CCSER1: variants seen among roughly 807,000 people sequenced by gnomAD.
CCSER1 encodes coiled-coil serine rich protein 1.
In CCSER1, 41 loss-of-function variants were observed where a neutral mutation model predicts 82.0. That is an observed-to-expected ratio of 0.50 (90% confidence interval 0.39 to 0.65). The LOEUF (loss-of-function observed/expected upper bound fraction) is 0.65. Among genes scored for constraint, CCSER1 ranks in the 30% least tolerant of loss-of-function variants. CCSER1 has a pLI of 0.00. For synonymous variants in CCSER1, 414 were observed against 383.9 expected, an observed-to-expected ratio of 1.08 and a Z score of -0.92; for missense variants, 1,119 against 1,064.2, an observed-to-expected ratio of 1.05 and a Z score of -0.72.
chr4:90,772,914 A>G (rs559006401), intron 7 of CCSER1, among the ~76,000 whole-genome samples: 2 of 152,206 alleles, frequency 1.3e-5, no homozygotes, highest in African/African-American at 2.4e-5. Context: ...GAAATGAAAT[A>G]TATTCCAAAA....
intron 1 of CCSER1, among the ~76,000 whole-genome samples, chr4:90,128,300 G>GGGGGCGGGGAGCCA (rs1722175124): frequency 6.6e-6 from 1 of 152,114 alleles, no homozygotes; most frequent in African/African-American, 2.4e-5. Flanking sequence ...AAGGGGAGGA[G>GGGGGCGGGGAGCCA]GGGGCGGGGA....
chr4:91,220,161 CAGAT>C (rs1448005141), intron 10 of CCSER1, among the ~76,000 whole-genome samples: 1 of 152,162 alleles, frequency 6.6e-6, no homozygotes, highest in Non-Finnish European at 1.5e-5. Flanking sequence ...TAGCAAGTGA[CAGAT>C]AGATTATTAT....
intron 10 of CCSER1, among the ~76,000 whole-genome samples, chr4:91,425,355 T>C (rs1753908788): frequency 6.6e-6 from 1 of 152,168 alleles, no homozygotes; most frequent in African/African-American, 2.4e-5. Flanking sequence ...GAATGTCATA[T>C]AAATTACACA....
intron 4 of CCSER1, among the ~76,000 whole-genome samples, chr4:90,459,346 A>G (rs1313904878): frequency 6.6e-6 from 1 of 152,232 alleles, no homozygotes; most frequent in African/African-American, 2.4e-5. Flanking sequence ...AGTTTGGAGT[A>G]GAACTCTGAG....
intron 1 of CCSER1, among the ~76,000 whole-genome samples, chr4:90,170,546 G>A (rs960846273): frequency 6.6e-5 from 10 of 151,260 alleles, no homozygotes; most frequent in Non-Finnish European, 1.3e-4. Flanking sequence ...CCAGTCTCTG[G>A]TAACCATTCT....
At chr4:90,444,560 A>C (rs2153574717) in intron 4 of CCSER1, among the ~76,000 whole-genome samples, 1 of 152,146 alleles carries the variant, frequency 6.6e-6, no homozygotes, top group Admixed American at 6.6e-5. Flanking sequence ...TCTGTTTGTT[A>C]ATATTTACAC....
At chr4:91,171,210 A>G (rs1458837467) in intron 10 of CCSER1, among the ~76,000 whole-genome samples, 2 of 152,214 alleles carry the variant, frequency 1.3e-5, no homozygotes, top group Non-Finnish European at 2.9e-5. Context: ...ATATTTTTTC[A>G]TCCCTAAGTA....
At chr4:90,640,646 C>A (rs1726328750) in intron 6 of CCSER1, among the ~76,000 whole-genome samples, 1 of 152,030 alleles carries the variant, frequency 6.6e-6, no homozygotes, top group African/African-American at 2.4e-5. Flanking sequence ...AGGGAGAGAC[C>A]ATGTGGAGGT....
intron 10 of CCSER1, among the ~76,000 whole-genome samples, chr4:91,486,672 T>C (rs1281215007): frequency 6.6e-6 from 1 of 152,072 alleles, no homozygotes; most frequent in Non-Finnish European, 1.5e-5. Context: ...GCATTTACAT[T>C]GTATTATAAA....
chr4:91,536,209 A>G (rs1761285937), intron 10 of CCSER1, among the ~76,000 whole-genome samples: 1 of 152,158 alleles, frequency 6.6e-6, no homozygotes, highest in East Asian at 1.9e-4. Context: ...ACTCATGCAT[A>G]ACACAAAACT....
At chr4:91,483,136 A>C (rs1316574561) in intron 10 of CCSER1, among the ~76,000 whole-genome samples, 1 of 152,134 alleles carries the variant, frequency 6.6e-6, no homozygotes, top group Non-Finnish European at 1.5e-5. Context: ...ATGACTTCCC[A>C]GAAAAAAAAA....
At chr4:91,067,308 A>T (rs890201708) in intron 9 of CCSER1, among the ~76,000 whole-genome samples, 1 of 151,672 alleles carries the variant, frequency 6.6e-6, no homozygotes, top group Non-Finnish European at 1.5e-5. Flanking sequence ...TGACACATAC[A>T]CTGGTACAAT....
chr4:90,202,748 A>G (rs1020201249), intron 1 of CCSER1, among the ~76,000 whole-genome samples: 1 of 152,216 alleles, frequency 6.6e-6, no homozygotes, highest in Non-Finnish European at 1.5e-5. Flanking sequence ...ATTACATGGC[A>G]AGTCCGTCAC....
rs11097294 is a variant in CCSER1, at chr4:91,046,464, T to G, written c.2173-39486T>G. ...GTTTTAATCATTCAAATTGAACTAC[T>G]TTCTGTTTTGGAGTTTCTTGAAACA... On this transcript the variant is annotated intron_variant, in intron 9 of 10. Coordinates refer to ENST00000509176, the MANE Select transcript of CCSER1 (RefSeq NM_001145065.2). 4.7e-3 allele frequency among the ~76,000 whole-genome samples: 711 copies of G among 152,244 alleles called. 20 individuals carry two copies. The highest frequency in any genetic ancestry group is 0.018 in the East Asian group (94 of 5,176).
At chr4:90,331,344 T>C (rs1204869731) in intron 3 of CCSER1, among the ~76,000 whole-genome samples, 2 of 152,120 alleles carry the variant, frequency 1.3e-5, no homozygotes, top group Non-Finnish European at 2.9e-5. Flanking sequence ...ATAAAGTAAA[T>C]TCTGTTTGAC....
chr4:90,614,335 C>A (rs750409817), intron 5 of CCSER1, among the ~76,000 whole-genome samples: 21 of 152,186 alleles, frequency 1.4e-4, no homozygotes, highest in Non-Finnish European at 2.5e-4. Context: ...ATCAATTCTA[C>A]AATGCCCTGT....
chr4:90,174,562 TGAG>T (rs964433065), intron 1 of CCSER1, among the ~76,000 whole-genome samples: 2 of 151,896 alleles, frequency 1.3e-5, no homozygotes, highest in Non-Finnish European at 2.9e-5. Flanking sequence ...TTCTCTGTAA[TGAG>T]GAGACAGAGC....
At chr4:91,164,909 C>T (rs1473657937) in intron 10 of CCSER1, among the ~76,000 whole-genome samples, 2 of 152,110 alleles carry the variant, frequency 1.3e-5, no homozygotes, top group African/African-American at 2.4e-5. Context: ...TTGTTATTAC[C>T]GACCTTCTGA....
At chr4:91,077,685 C>A (rs1043755343) in intron 9 of CCSER1, among the ~76,000 whole-genome samples, 13 of 152,186 alleles carry the variant, frequency 8.5e-5, no homozygotes, top group African/African-American at 3.1e-4. Flanking sequence ...CAGGGAATTA[C>A]CTTTCCTAGT....
Sources: allele counts gnomAD v4.1 joint callset (sites outside exome capture counted in the v4.1 genomes callset), GRCh38; gene constraint gnomAD v4.1.1; transcripts MANE v1.5; gene names NCBI Gene and HGNC (gene_info 2026-07-23, HGNC 2026-07-21).